Variants in BRINP1 observed in about 807,000 individuals in gnomAD.
BRINP1 encodes BMP/retinoic acid-inducible neural-specific protein 1.
Under a neutral mutation model 72.9 loss-of-function variants are expected in BRINP1, and 17 were observed. That is an observed-to-expected ratio of 0.23 (90% CI 0.16 to 0.35). The LOEUF (loss-of-function observed/expected upper bound fraction) is 0.35. Ranked by LOEUF, BRINP1 falls within the 10% of genes least tolerant of loss-of-function variation. The probability of loss-of-function intolerance (pLI) is 1.00; values close to 1 mark genes in which losing one functional copy is unlikely to be tolerated. For missense variants in BRINP1, 850 were observed against 1,001.6 expected (o/e 0.85, Z 2.04); for synonymous variants, 418 against 378.5 (o/e 1.10, Z -1.21).
intron 2 of BRINP1, among the ~76,000 whole-genome samples, chr9:119,299,658 C>G (rs974329522): frequency 6.6e-6 from 1 of 150,900 alleles, no homozygotes; most frequent in Admixed American, 6.6e-5. Flanking sequence ...ATATGTCTTT[C>G]GGTGCCTGGT....
intron 5 of BRINP1, among the ~76,000 whole-genome samples, chr9:119,218,097 A>G (rs1371261105): frequency 1.3e-5 from 2 of 152,052 alleles, no homozygotes; most frequent in African/African-American, 4.8e-5. Flanking sequence ...ATTAGAGAGT[A>G]GGCTCTAGGG....
intron 2 of BRINP1, among the ~76,000 whole-genome samples, chr9:119,288,963 G>C (rs1288099972): frequency 2.0e-5 from 3 of 152,088 alleles, no homozygotes; most frequent in African/African-American, 7.2e-5. Flanking sequence ...GCCACACCTG[G>C]CTAATTTTTT....
intron 7 of BRINP1, among the ~76,000 whole-genome samples, chr9:119,174,666 A>T (rs1029301112): frequency 5.3e-5 from 8 of 150,160 alleles, no homozygotes; most frequent in Non-Finnish European, 8.9e-5. Context: ...ACACATGCAC[A>T]CGTATGTTTA....
At chr9:119,309,859 T>C (rs946842595) in intron 2 of BRINP1, among the ~76,000 whole-genome samples, 13 of 152,200 alleles carry the variant, frequency 8.5e-5, no homozygotes, top group African/African-American at 2.7e-4. Context: ...TTGGGTTTTT[T>C]TGGTCATCTC....
At chr9:119,240,756 C>T (rs1280871205) in intron 4 of BRINP1, among the ~76,000 whole-genome samples, 3 of 152,192 alleles carry the variant, frequency 2.0e-5, no homozygotes, top group Non-Finnish European at 2.9e-5. Context: ...CCCTCCCACA[C>T]TTTTCTCTCT....
intron 2 of BRINP1, among the ~76,000 whole-genome samples, chr9:119,265,688 G>A (rs1331388664): frequency 6.6e-6 from 1 of 152,114 alleles, no homozygotes; most frequent in Admixed American, 6.6e-5. Flanking sequence ...AAACTCAGTT[G>A]ACCCCATGAC....
chr9:119,294,486 A>G (rs1286375293), intron 2 of BRINP1, among the ~76,000 whole-genome samples: 1 of 152,184 alleles, frequency 6.6e-6, no homozygotes, highest in Non-Finnish European at 1.5e-5. Flanking sequence ...AGATCATACC[A>G]CTGCACTCCA....
chr9:119,346,721 T>C (rs1412640273), intron 1 of BRINP1, among the ~76,000 whole-genome samples: 1 of 152,146 alleles, frequency 6.6e-6, no homozygotes, highest in Non-Finnish European at 1.5e-5. Context: ...AGAAAGAGAA[T>C]GAAAATCTCA....
At chr9:119,271,016 T>C (rs1296003583) in intron 2 of BRINP1, among the ~76,000 whole-genome samples, 1 of 152,062 alleles carries the variant, frequency 6.6e-6, no homozygotes, top group Admixed American at 6.6e-5. Flanking sequence ...TATGATAAGG[T>C]TTTTGGTTGC....
intron 5 of BRINP1, among the ~76,000 whole-genome samples, chr9:119,227,269 C>T (rs966104922): frequency 6.6e-6 from 1 of 152,026 alleles, no homozygotes; most frequent in Non-Finnish European, 1.5e-5. Flanking sequence ...GTCTTTATCA[C>T]TGGCAAATCT....
intron 2 of BRINP1, among the ~76,000 whole-genome samples, chr9:119,270,637 G>A (rs1264812060): frequency 1.3e-5 from 2 of 152,164 alleles, no homozygotes; most frequent in Non-Finnish European, 2.9e-5. Context: ...GATAGGGAGG[G>A]CAGTAGATAA....
chr9:119,280,997 T>G (rs1236095611), intron 2 of BRINP1, among the ~76,000 whole-genome samples: 1 of 151,822 alleles, frequency 6.6e-6, no homozygotes, highest in Admixed American at 6.6e-5. Flanking sequence ...GCCCAGGAAA[T>G]GGAAACATTC....
intron 5 of BRINP1, among the ~76,000 whole-genome samples, chr9:119,234,565 C>T (rs907676363): frequency 2.6e-5 from 4 of 152,132 alleles, no homozygotes; most frequent in African/African-American, 9.6e-5. Context: ...TATTTTCTTC[C>T]ACTCTATGGC....
chr9:119,272,227 T>G (rs1002812770), intron 2 of BRINP1, among the ~76,000 whole-genome samples: 2 of 151,772 alleles, frequency 1.3e-5, no homozygotes, highest in Non-Finnish European at 2.9e-5. Context: ...TAGTAGCAGG[T>G]GCCCGCCACC....
At chr9:119,356,659 G>C (rs1831569880) in intron 1 of BRINP1, among the ~76,000 whole-genome samples, 1 of 151,928 alleles carries the variant, frequency 6.6e-6, no homozygotes, top group Admixed American at 6.6e-5. Context: ...ACAAAAATTG[G>C]CTGGGCATGG....
intron 7 of BRINP1, among the ~76,000 whole-genome samples, chr9:119,202,585 G>A (rs545152118): frequency 6.6e-6 from 1 of 152,242 alleles, no homozygotes; most frequent in South Asian, 2.1e-4. Flanking sequence ...ACAGTGTAAG[G>A]ATCTCCTGGT....
intron 1 of BRINP1, among the ~76,000 whole-genome samples, chr9:119,327,472 C>T (rs896238350): frequency 8.5e-5 from 13 of 152,196 alleles, no homozygotes; most frequent in Admixed American, 3.3e-4. Context: ...CTAGGATTCA[C>T]TCCATGGGAT....
chr9:119,180,481 G>A (rs1402046864), intron 7 of BRINP1, among the ~76,000 whole-genome samples: 2 of 17,930 alleles, frequency 1.1e-4, no homozygotes, highest in Non-Finnish European at 1.7e-4. Context: ...CTCTGTGCAT[G>A]TGTGTGTGTG....
intron 2 of BRINP1, among the ~76,000 whole-genome samples, chr9:119,306,245 A>G (rs568724459): frequency 4.7e-4 from 71 of 152,326 alleles, no homozygotes; most frequent in African/African-American, 1.6e-3. Flanking sequence ...TAAACGTACC[A>G]ATTTGGTAGC....
Sources: allele counts gnomAD v4.1 joint callset (sites outside exome capture counted in the v4.1 genomes callset), GRCh38; gene constraint gnomAD v4.1.1; transcripts MANE v1.5; gene names NCBI Gene and HGNC (gene_info 2026-07-23, HGNC 2026-07-21).